MMS22L: variants seen among roughly 807,000 people sequenced by gnomAD.
The protein encoded by MMS22L is MMS22 like, DNA repair protein.
A neutral mutation model predicts 159.1 loss-of-function variants in MMS22L; 74 were observed. The observed-to-expected ratio is 0.47, with a 90% confidence interval of 0.39 to 0.56. The LOEUF is 0.56. Ranked by LOEUF, MMS22L falls within the 20% of genes least tolerant of loss-of-function variation. The pLI, the probability that MMS22L is intolerant of heterozygous loss-of-function variation, is 0.00. For missense variants in MMS22L, 1,351 were observed against 1,422.1 expected (o/e 0.95, Z 0.80); for synonymous variants, 517 against 506.9 (o/e 1.02, Z -0.27).
chr6:97,214,325 T>C (rs951339898), intron 14 of MMS22L, among the ~76,000 whole-genome samples: 1 of 152,158 alleles, frequency 6.6e-6, no homozygotes, highest in Non-Finnish European at 1.5e-5. Flanking sequence ...ATCCACACCA[T>C]GGAATATTAT....
At chr6:97,172,677 G>A (rs1307347572) in intron 19 of MMS22L, among the ~76,000 whole-genome samples, 1 of 151,966 alleles carries the variant, frequency 6.6e-6, no homozygotes, top group Non-Finnish European at 1.5e-5. Flanking sequence ...ACAGAGCAGA[G>A]CATAGAAATA....
At chr6:97,221,004 G>GT (rs1347749952) in intron 14 of MMS22L, among the ~76,000 whole-genome samples, 1 of 137,980 alleles carries the variant, frequency 7.2e-6, no homozygotes, top group Non-Finnish European at 1.6e-5. Flanking sequence ...ACACACACAC[G>GT]TCCATTGATG....
At chr6:97,248,451 A>T (rs1278925599) in intron 10 of MMS22L, among the ~76,000 whole-genome samples, 1 of 152,246 alleles carries the variant, frequency 6.6e-6, no homozygotes, top group African/African-American at 2.4e-5. Context: ...ATAGATTACT[A>T]ATACAATGAT....
intron 14 of MMS22L, among the ~76,000 whole-genome samples, chr6:97,225,877 C>A (rs779291723): frequency 6.6e-5 from 10 of 152,104 alleles, no homozygotes; most frequent in Non-Finnish European, 1.3e-4. Flanking sequence ...AGCCTTATTT[C>A]TTATCTTAGA....
At chr6:97,229,540 T>A (rs1463416926) in intron 13 of MMS22L, 137 bp from the exon 14 acceptor site, 2 of 653,572 alleles carry the variant, frequency 3.1e-6, no homozygotes, top group African/African-American at 1.8e-5. Context: ...TGCTGCCTTG[T>A]CACTTTTTTT....
chr6:97,168,089 A>G lies in MMS22L; in HGVS notation c.2991T>C (p.Ser997=), dbSNP rs779032013. 6.2e-7 allele frequency: 1 copy of G among 1,609,836 alleles called. No individual in the cohort carries two copies. Among genetic ancestry groups the G allele is most frequent in the Non-Finnish European group, 8.5e-7 (1 of 1,178,398 alleles). The stretch of plus-strand genomic sequence containing the variant: ...ACTATACCTGGAGATACAAAGGAAG[A>G]CTTTTCTGAATTGCTGACAACATAG... ...PAPMLSAIQK[S]LPLYLQGMCI... Residue 997 remains serine (S), a synonymous_variant, in exon 20 of 25, where the codon AGT becomes AGC. Transcript: ENST00000683635.
chr6:97,191,454 G>T (rs535835557), intron 14 of MMS22L, among the ~76,000 whole-genome samples: 1 of 149,956 alleles, frequency 6.7e-6, no homozygotes, highest in African/African-American at 2.5e-5. Context: ...AAAGTTTAAG[G>T]AAAATTAAAA....
At chr6:97,254,815 G>A in intron 9 of MMS22L, 82 bp from the exon 10 acceptor site, 2 of 1,125,252 alleles carry the variant, frequency 1.8e-6, no homozygotes, top group Non-Finnish European at 2.5e-6. Context: ...TTTTTATAAT[G>A]AAGCATATAT....
intron 6 of MMS22L, 58 bp from the exon 7 acceptor site, chr6:97,270,050 C>A: frequency 7.6e-7 from 1 of 1,320,546 alleles, no homozygotes; most frequent in South Asian, 1.2e-5. Context: ...CTAGGTATTT[C>A]ATAGCATGTC....
chr6:97,272,522 G>A (rs1815850421), intron 6 of MMS22L, 182 bp downstream of exon 6: 1 of 557,002 alleles, frequency 1.8e-6, no homozygotes. Context: ...CAGATGTGGA[G>A]GCTGAGGTGT....
chr6:97,277,314 G>A (rs1392771961), intron 4 of MMS22L, among the ~76,000 whole-genome samples: 1 of 152,136 alleles, frequency 6.6e-6, no homozygotes, highest in Admixed American at 6.5e-5. Context: ...TCAGGAGGCT[G>A]AGGCAGGAGA....
At chr6:97,147,842 T>C (rs117190272) in intron 24 of MMS22L, among the ~76,000 whole-genome samples, 76 of 152,210 alleles carry the variant, frequency 5.0e-4, no homozygotes, top group African/African-American at 7.2e-4. Flanking sequence ...TGAAATGGCA[T>C]TGAAAAAATG....
intron 11 of MMS22L, among the ~76,000 whole-genome samples, chr6:97,244,163 T>G (rs1334984385): frequency 6.6e-6 from 1 of 152,204 alleles, no homozygotes; most frequent in Non-Finnish European, 1.5e-5. Context: ...TGTTCTGTTA[T>G]GAGTTGCCGT....
chr6:97,241,518 T>C (rs560498980), intron 11 of MMS22L, among the ~76,000 whole-genome samples: 2 of 152,298 alleles, frequency 1.3e-5, no homozygotes, highest in South Asian at 2.1e-4. Flanking sequence ...TGGTGTTGCA[T>C]TGTGGTTTTG....
intron 7 of MMS22L, among the ~76,000 whole-genome samples, chr6:97,268,593 A>G (rs1314084798): frequency 6.6e-6 from 1 of 152,090 alleles, no homozygotes. Context: ...AAAAAGAGAG[A>G]GAACAACATA....
rs1800799024 is a variant in MMS22L at position 97,144,423 on chromosome 6, G to T, written c.*2383C>A. Reference sequence around the variant, plus strand: ...TGTATTTTAGATCCACATATAAGTGGACCTGCACAGTTCAAACTTGTGTTG... The same window carrying T: ...TGTATTTTAGATCCACATATAAGTGTACCTGCACAGTTCAAACTTGTGTTG... On this transcript the variant is annotated 3_prime_UTR_variant, in exon 25 of 25. Coordinates refer to ENST00000683635, the MANE Select transcript of MMS22L (RefSeq NM_001350599.2). The T allele has an allele frequency of 6.6e-6, 1 of 152,200 alleles. No homozygotes were observed. Among genetic ancestry groups the T allele is most frequent in the African/African-American group, 2.4e-5 (1 of 41,440 alleles). 9.4% of individuals were successfully genotyped at this position (152,200 alleles called of 1,614,324 possible).
chr6:97,270,419 A>G (rs1815608509), intron 6 of MMS22L: 3 of 357,364 alleles, frequency 8.4e-6, no homozygotes, highest in Non-Finnish European at 1.6e-5. Context: ...TTAGACTGTC[A>G]TGTAGACATT....
intron 11 of MMS22L, chr6:97,245,935 GTTTTAAATAATCTTTATTTC>G (rs1341326316): frequency 4.1e-6 from 1 of 243,358 alleles, no homozygotes; most frequent in East Asian, 1.1e-4. Flanking sequence ...TCCTCTTCAA[GTTTTAAATAATCTTTATTTC>G]TTAAAAGAAA....
At chr6:97,178,356 T>G in intron 18 of MMS22L, 87 bp downstream of exon 18, 1 of 1,027,844 alleles carries the variant, frequency 9.7e-7, no homozygotes, top group Non-Finnish European at 1.4e-6. Flanking sequence ...AGAATTCATT[T>G]TATAGAAAAA....
Sources: allele counts gnomAD v4.1 joint callset (sites outside exome capture counted in the v4.1 genomes callset), GRCh38; gene constraint gnomAD v4.1.1; transcripts MANE v1.5; gene names NCBI Gene and HGNC (gene_info 2026-07-23, HGNC 2026-07-21).